Variants in SSH2 observed in about 807,000 individuals in gnomAD.
The protein encoded by SSH2 is slingshot protein phosphatase 2.
SSH2 carries 37 observed loss-of-function variants against 135.2 expected under a neutral mutation model. The ratio of observed to expected loss-of-function variants is 0.27; its 90% CI spans 0.21 to 0.36. The LOEUF is 0.36. Ranked by LOEUF, SSH2 falls within the 10% of genes least tolerant of loss-of-function variation. The probability of loss-of-function intolerance (pLI) is 1.00; values close to 1 mark genes in which losing one functional copy is unlikely to be tolerated. For synonymous variants in SSH2, 628 were observed against 646.2 expected, an observed-to-expected ratio of 0.97 and a Z score of 0.43; for missense variants, 1,408 against 1,765.3, an observed-to-expected ratio of 0.80 and a Z score of 3.63.
chr17:29,664,698 G>T (rs551816383), intron 11 of SSH2, among the ~76,000 whole-genome samples: 31 of 152,244 alleles, frequency 2.0e-4, no homozygotes, highest in African/African-American at 5.3e-4. Flanking sequence ...CAAGACAGAA[G>T]ATTATACCTG....
At chr17:29,668,741 A>C (rs1465085899) in intron 9 of SSH2, among the ~76,000 whole-genome samples, 1 of 151,998 alleles carries the variant, frequency 6.6e-6, no homozygotes, top group African/African-American at 2.4e-5. Context: ...TGTCTCAAGG[A>C]AAAACAAAAA....
intron 1 of SSH2, among the ~76,000 whole-genome samples, chr17:29,921,639 A>T (rs934943096): frequency 2.0e-5 from 3 of 151,416 alleles, no homozygotes; most frequent in Non-Finnish European, 4.4e-5. Flanking sequence ...TGCTATGGCG[A>T]GGTCTTGGCT....
intron 3 of SSH2, among the ~76,000 whole-genome samples, chr17:29,779,934 C>A (rs1364300504): frequency 7.1e-6 from 1 of 140,060 alleles, no homozygotes; most frequent in Non-Finnish European, 1.6e-5. Flanking sequence ...AACAAAAAAA[C>A]AACTCTGGCC....
chr17:29,686,896 G>C (rs189711614), intron 5 of SSH2, among the ~76,000 whole-genome samples: 72 of 152,270 alleles, frequency 4.7e-4, no homozygotes, highest in Middle Eastern at 3.4e-3. Flanking sequence ...GGCTGGTCTC[G>C]AACTCCTGCC....
At chr17:29,742,387 C>T (rs1198189671) in intron 3 of SSH2, among the ~76,000 whole-genome samples, 1 of 149,724 alleles carries the variant, frequency 6.7e-6, no homozygotes, top group East Asian at 1.9e-4. Context: ...GGCACAATCA[C>T]AGCTCACTGA....
At chr17:29,847,565 T>C (rs2043154288) in intron 2 of SSH2, among the ~76,000 whole-genome samples, 1 of 152,308 alleles carries the variant, frequency 6.6e-6, no homozygotes, top group East Asian at 1.9e-4. Context: ...CCCACAACTC[T>C]TCCCTTCACT....
chr17:29,744,885 G>GTGTT (rs1555625860), intron 3 of SSH2, among the ~76,000 whole-genome samples: 28 of 151,514 alleles, frequency 1.8e-4, no homozygotes, highest in African/African-American at 5.8e-4. Context: ...GTGTGTGTGT[G>GTGTT]TGTGTGTGTG....
rs200048840 is a variant in SSH2 at position 29,780,232 on chromosome 17, C to CA, written c.188+13661dup. Reference sequence around the variant, plus strand: ...ACTCCATCTCAAACAGCAACAACAACAAAAAAACCCTCTGTTTCTCTTTCT... The same window carrying CA: ...ACTCCATCTCAAACAGCAACAACAACAAAAAAAACCCTCTGTTTCTCTTTCT... On this transcript the variant is annotated intron_variant, in intron 3 of 15. Coordinates refer to ENST00000540801, the MANE Select transcript of SSH2 (RefSeq NM_001282129.2). 1.6e-4 allele frequency among the ~76,000 whole-genome samples: 24 copies of CA among 151,832 alleles called. No homozygotes were observed. The East Asian group carries it at 4.1e-3, about 26-fold the overall frequency.
intron 1 of SSH2, among the ~76,000 whole-genome samples, chr17:29,912,635 G>A (rs2066785579): frequency 6.6e-6 from 1 of 152,120 alleles, no homozygotes; most frequent in African/African-American, 2.4e-5. Flanking sequence ...GGAGGCTAAG[G>A]TGGGCAGATT....
In SSH2 at chr17:29,796,944, C is replaced by T. The variant is rs117163598; in HGVS notation, c.145-3007G>A. Among the ~76,000 whole-genome samples the T allele has an allele frequency of 4.4e-3, 670 of 151,930 alleles. 18 individuals carry two copies. Among genetic ancestry groups the T allele is most frequent in the Admixed American group, 0.036 (553 of 15,266 alleles). On this transcript the variant is annotated intron_variant, in intron 2 of 15. Transcript: ENST00000540801. ...TCTCCTGCCTCTCCCTCCTGAGTAG[C>T]TAGGACTACAGATGCACACTGCCAG...
At chr17:29,669,840 T>G (rs1299893367) in intron 9 of SSH2, among the ~76,000 whole-genome samples, 3 of 152,068 alleles carry the variant, frequency 2.0e-5, no homozygotes, top group African/African-American at 7.2e-5. Flanking sequence ...CTTCCTCTCT[T>G]CTTGTTTGTT....
intron 1 of SSH2, among the ~76,000 whole-genome samples, chr17:29,869,516 G>A (rs2065906066): frequency 6.6e-6 from 1 of 152,190 alleles, no homozygotes; most frequent in Non-Finnish European, 1.5e-5. Flanking sequence ...TAGGCCAAAG[G>A]GAAGATTCAG....
chr17:29,772,276 C>T lies in SSH2; in HGVS notation c.188+21618G>A, dbSNP rs1251331116. Among the ~76,000 whole-genome samples the T allele has an allele frequency of 2.0e-5, 3 of 147,368 alleles. 1 individual carries two copies. Among genetic ancestry groups the T allele is most frequent in the Admixed American group, 1.4e-4 (2 of 14,650 alleles). ...TTTTTTTTTTTTTGAGACGGAGTCT[C>T]GCTCTGTTGCCCAGGCTGGAGTGCA... On this transcript the variant is annotated intron_variant, in intron 3 of 15. Transcript: ENST00000540801.
intron 14 of SSH2, chr17:29,645,900 G>A (rs2150990686): frequency 6.6e-6 from 1 of 152,252 alleles, no homozygotes; most frequent in South Asian, 2.1e-4. Flanking sequence ...ATACTTCGGG[G>A]GCGGGAGGGT....
intron 1 of SSH2, among the ~76,000 whole-genome samples, chr17:29,876,609 A>G (rs1447873417): frequency 6.6e-6 from 1 of 151,928 alleles, no homozygotes; most frequent in Non-Finnish European, 1.5e-5. Context: ...CCTCAAGAAC[A>G]TACATTGGGG....
At chr17:29,643,866 G>A (rs1279959767) in intron 14 of SSH2, among the ~76,000 whole-genome samples, 1 of 152,132 alleles carries the variant, frequency 6.6e-6, no homozygotes, top group Non-Finnish European at 1.5e-5. Flanking sequence ...CAATGGGTGG[G>A]GAGCTTTTGG....
At chr17:29,869,978 C>T (rs922175076) in intron 1 of SSH2, among the ~76,000 whole-genome samples, 1 of 151,800 alleles carries the variant, frequency 6.6e-6, no homozygotes, top group Non-Finnish European at 1.5e-5. Context: ...TTGGTCGGTA[C>T]TATTTTTTTT....
At chr17:29,728,466 A>G (rs1454883608) in intron 3 of SSH2, among the ~76,000 whole-genome samples, 1 of 152,222 alleles carries the variant, frequency 6.6e-6, no homozygotes, top group Non-Finnish European at 1.5e-5. Context: ...GAAAATGTCT[A>G]TACTACACAA....
In SSH2 at chr17:29,852,927, A is replaced by C. The variant is rs537187361; in HGVS notation, c.64-3998T>G. On this transcript the variant is annotated intron_variant, in intron 1 of 15. Transcript: ENST00000540801. ...AGTCTTTCTCATGAGTATATGGCTT[A>C]TTCCAAGATTGCAAGGACGAATTAA... Among the ~76,000 whole-genome samples, 8 of 151,970 alleles carry C rather than the reference A, an allele frequency of 5.3e-5. No homozygotes were observed. The South Asian group carries it at 1.2e-3, about 24-fold the overall frequency.
Sources: allele counts gnomAD v4.1 joint callset (sites outside exome capture counted in the v4.1 genomes callset), GRCh38; gene constraint gnomAD v4.1.1; transcripts MANE v1.5; gene names NCBI Gene and HGNC (gene_info 2026-07-23, HGNC 2026-07-21).